TRERF1: variants seen among roughly 807,000 people sequenced by gnomAD.
TRERF1 encodes transcriptional-regulating factor 1.
In TRERF1, 27 loss-of-function variants were observed where a neutral mutation model predicts 122.9. The observed-to-expected ratio is 0.22, with a 90% confidence interval of 0.16 to 0.30. TRERF1 has a LOEUF of 0.30. TRERF1 is among the 10% of genes least tolerant of loss of function. TRERF1 has a pLI of 1.00. For missense variants in TRERF1, 1,248 were observed against 1,560.3 expected (o/e 0.80, Z 3.37); for synonymous variants, 636 against 641.7 (o/e 0.99, Z 0.13).
intron 3 of TRERF1, among the ~76,000 whole-genome samples, chr6:42,326,894 C>A (rs1764380968): frequency 1.3e-5 from 2 of 152,186 alleles, no homozygotes; most frequent in African/African-American, 4.8e-5. Context: ...TGGGTGGTCA[C>A]CTCTTCCAAA....
At chr6:42,424,416 A>T (rs1177054913) in intron 2 of TRERF1, among the ~76,000 whole-genome samples, 2 of 152,234 alleles carry the variant, frequency 1.3e-5, no homozygotes, top group Non-Finnish European at 2.9e-5. Context: ...AGTCCATGAC[A>T]TGTTGCATCA....
intron 4 of TRERF1, among the ~76,000 whole-genome samples, chr6:42,284,478 G>A (rs1582809859): frequency 6.6e-6 from 1 of 152,192 alleles, no homozygotes; most frequent in Non-Finnish European, 1.5e-5. Context: ...TGTGTCGCCT[G>A]TCACACATTC....
intron 2 of TRERF1, among the ~76,000 whole-genome samples, chr6:42,379,721 G>A (rs1318077290): frequency 6.6e-6 from 1 of 152,156 alleles, no homozygotes; most frequent in Non-Finnish European, 1.5e-5. Context: ...GGTAGAGACA[G>A]AGTTTCGCCA....
At chr6:42,258,251 A>C in intron 9 of TRERF1, 50 bp from the exon 10 acceptor site, 1 of 1,561,716 alleles carries the variant, frequency 6.4e-7, no homozygotes, top group Non-Finnish European at 8.8e-7. Context: ...GGAATGTTGA[A>C]AAAGACTAAA....
chr6:42,435,758 G>A (rs537712351), intron 2 of TRERF1, among the ~76,000 whole-genome samples: 6 of 151,794 alleles, frequency 4.0e-5, no homozygotes, highest in East Asian at 1.9e-4. Flanking sequence ...GGCAGATCAC[G>A]AGGTCAAGAG....
chr6:42,320,410 A>G (rs1413079448), intron 3 of TRERF1, among the ~76,000 whole-genome samples: 1 of 152,178 alleles, frequency 6.6e-6, no homozygotes, highest in African/African-American at 2.4e-5. Context: ...GGTTGAGATC[A>G]ATTCTGAGCA....
rs1184747016 is a variant in TRERF1, at chr6:42,228,753, G to A, written c.3279-84C>T. Reference sequence around the variant, plus strand: ...TCCAGGTGTCCTACGGGGAATGGGGGTGTGTGGTCTGACAAAGTCCCTGGC... The same window carrying A: ...TCCAGGTGTCCTACGGGGAATGGGGATGTGTGGTCTGACAAAGTCCCTGGC... On this transcript the variant is annotated intron_variant, in intron 17 of 17. Coordinates refer to ENST00000372922, the Ensembl canonical transcript of TRERF1. This position sits in a 1 kb window ranked among gnomAD's most constrained non-coding sequence, Gnocchi z 4.2. The A allele has an allele frequency of 6.3e-5, 87 of 1,390,106 alleles. No homozygotes were observed. Among genetic ancestry groups the A allele is most frequent in the Non-Finnish European group, 8.2e-5 (84 of 1,028,704 alleles). 86.1% of individuals were successfully genotyped at this position (1,390,106 alleles called of 1,614,324 possible).
intron 2 of TRERF1, among the ~76,000 whole-genome samples, chr6:42,387,936 T>C (rs900750930): frequency 7.2e-5 from 11 of 152,042 alleles, no homozygotes; most frequent in African/African-American, 2.4e-4. Flanking sequence ...GCCTCCCGAG[T>C]AGCTGGAATC....
chr6:42,362,178 C>T (rs759535130), intron 3 of TRERF1, among the ~76,000 whole-genome samples: 9 of 152,154 alleles, frequency 5.9e-5, no homozygotes, highest in Non-Finnish European at 1.0e-4. Flanking sequence ...GCACGAGCCA[C>T]GTGTTTCCGA....
rs1472112926 is a variant in TRERF1, at chr6:42,269,053, C to T, written c.538G>A (p.Ala180Thr). Reference sequence around the variant, plus strand: ...TTCTGAGACAGCAGCTGGCGGAGAGCACTGTCAGGGGCTCCATCCATCACT... The same window carrying T: ...TTCTGAGACAGCAGCTGGCGGAGAGTACTGTCAGGGGCTCCATCCATCACT... The change falls in exon 5 of 18, where the codon GCT (alanine) becomes ACT (threonine). Residue 180 changes from alanine to threonine, a missense_variant. This residue lies in a region of TRERF1 where 946 missense variants were observed against 1,073.0 expected (regional missense o/e 0.88). Coordinates refer to ENST00000372922, the Ensembl canonical transcript of TRERF1. The surrounding 1 kb of genome is among the most constrained non-coding windows in gnomAD (Gnocchi z 4.9). The T allele has an allele frequency of 6.2e-7, 1 of 1,614,188 alleles. No individual in the cohort carries two copies. Among genetic ancestry groups the T allele is most frequent in the Middle Eastern group, 1.6e-4 (1 of 6,062 alleles).
intron 2 of TRERF1, among the ~76,000 whole-genome samples, chr6:42,397,745 A>T (rs936602103): frequency 2.0e-5 from 3 of 152,202 alleles, no homozygotes; most frequent in Non-Finnish European, 2.9e-5. Flanking sequence ...AACCCACTCA[A>T]GCGAAGTGTA....
intron 2 of TRERF1, among the ~76,000 whole-genome samples, chr6:42,425,203 G>GA (rs1417725080): frequency 6.6e-6 from 1 of 152,050 alleles, no homozygotes; most frequent in African/African-American, 2.4e-5. Flanking sequence ...CAATAATAGT[G>GA]AAAAAACAAC....
At chr6:42,428,451 C>T (rs1783974627) in intron 2 of TRERF1, among the ~76,000 whole-genome samples, 2 of 152,286 alleles carry the variant, frequency 1.3e-5, no homozygotes, top group African/African-American at 4.8e-5. Flanking sequence ...ACTTTATTAG[C>T]AGATGAGACA....
At chr6:42,366,107 G>C (rs1049305737) in intron 2 of TRERF1, among the ~76,000 whole-genome samples, 1 of 152,126 alleles carries the variant, frequency 6.6e-6, no homozygotes, top group African/African-American at 2.4e-5. Context: ...TGGCCACCCA[G>C]CTCCAGCCCT....
At chr6:42,277,639 C>T (rs1781385976) in intron 4 of TRERF1, among the ~76,000 whole-genome samples, 1 of 152,008 alleles carries the variant, frequency 6.6e-6, no homozygotes, top group Non-Finnish European at 1.5e-5. Flanking sequence ...TCACTTGAAC[C>T]CAAGAATTTA....
At chr6:42,360,405 C>T (rs960025078) in intron 3 of TRERF1, among the ~76,000 whole-genome samples, 3 of 152,288 alleles carry the variant, frequency 2.0e-5, no homozygotes, top group Non-Finnish European at 2.9e-5. Context: ...GAAGGTCGTA[C>T]GTTTTAAGAC....
intron 2 of TRERF1, among the ~76,000 whole-genome samples, chr6:42,399,073 A>AAGTC (rs1779020440): frequency 6.6e-6 from 1 of 152,216 alleles, no homozygotes; most frequent in African/African-American, 2.4e-5. Context: ...AGATGGAAGG[A>AAGTC]AGTCAGGCAG....
At chr6:42,315,914 G>C (rs1299631184) in intron 3 of TRERF1, among the ~76,000 whole-genome samples, 1 of 152,082 alleles carries the variant, frequency 6.6e-6, no homozygotes, top group Non-Finnish European at 1.5e-5. Context: ...CAGGGGAGAG[G>C]ACCCCCACAC....
At chr6:42,419,172 A>G (rs1041385342) in intron 2 of TRERF1, among the ~76,000 whole-genome samples, 2 of 152,114 alleles carry the variant, frequency 1.3e-5, no homozygotes, top group East Asian at 1.9e-4. Flanking sequence ...AACTGCCACA[A>G]TCCCAGAGAC....
Sources: allele counts gnomAD v4.1 joint callset (sites outside exome capture counted in the v4.1 genomes callset), GRCh38; gene constraint gnomAD v4.1.1; regional missense constraint gnomAD v4.1.1; non-coding constraint Gnocchi (gnomAD v3.1); transcripts MANE v1.5; gene names NCBI Gene and HGNC (gene_info 2026-07-23, HGNC 2026-07-21).